Variants in SRC observed in about 807,000 individuals in gnomAD.
SRC encodes proto-oncogene tyrosine-protein kinase Src.
SRC carries 13 observed loss-of-function variants against 62.9 expected under a neutral mutation model. The ratio of observed to expected loss-of-function variants is 0.21; its 90% CI spans 0.13 to 0.33. SRC has a LOEUF of 0.33. Among genes scored for constraint, SRC ranks in the 10% least tolerant of loss-of-function variants. The probability of loss-of-function intolerance (pLI) is 1.00; values close to 1 mark genes in which losing one functional copy is unlikely to be tolerated. For missense variants in SRC, 457 were observed against 737.3 expected (o/e 0.62, Z 4.40); for synonymous variants, 302 against 317.5 (o/e 0.95, Z 0.52).
In SRC at chr20:37,404,586, A is replaced by G. The variant is rs149251983; in HGVS notation, c.*1207A>G. ...AGTGCCTAAGCGGGGGTGAAAGAGG[A>G]CGTGTTACCCACTGCCATGCACCAG... On this transcript the variant is annotated 3_prime_UTR_variant, in exon 14 of 14. Coordinates refer to ENST00000373578, the MANE Select transcript of SRC (RefSeq NM_198291.3). 3.3e-3 allele frequency: 763 copies of G among 233,710 alleles called. 7 individuals carry two copies. The highest frequency in any genetic ancestry group is 0.016 in the African/African-American group (724 of 45,440). 14.5% of individuals were successfully genotyped at this position (233,710 alleles called of 1,614,324 possible). A position where few individuals can be genotyped will look rare whatever the true frequency, so the allele number is the denominator to read the frequency against.
At chr20:37,386,844 T>A (rs2070463674) in intron 5 of SRC, among the ~76,000 whole-genome samples, 1 of 152,228 alleles carries the variant, frequency 6.6e-6, no homozygotes, top group African/African-American at 2.4e-5. Context: ...AGCCAGCATG[T>A]GGCCAGGGAG....
intron 2 of SRC, among the ~76,000 whole-genome samples, chr20:37,368,677 C>T (rs1465074286): frequency 6.8e-6 from 1 of 147,974 alleles, no homozygotes; most frequent in Non-Finnish European, 1.5e-5. Flanking sequence ...CTCAGCCTCC[C>T]AAGTAGCTGG....
rs2070674742 is a variant in SRC at position 37,397,691 on chromosome 20, C to G, written c.704-8C>G. 2 of 1,552,842 alleles carry G rather than the reference C, an allele frequency of 1.3e-6. No individual in the cohort carries two copies. Among genetic ancestry groups the G allele is most frequent in the African/African-American group, 1.4e-5 (1 of 73,322 alleles). On this transcript the variant is annotated splice_polypyrimidine_tract_variant and splice_region_variant and intron_variant, in intron 8 of 13. Coordinates refer to ENST00000373578, the MANE Select transcript of SRC (RefSeq NM_198291.3). The surrounding 1 kb of genome is among the most constrained non-coding windows in gnomAD (Gnocchi z 4.1). ...CCCGCCTAACTGCTCCTCCTGCCTC[C>G]TCCTCAGAACACGCCGATGGCCTGT... is the stretch of plus-strand genomic sequence containing the variant.
intron 5 of SRC, among the ~76,000 whole-genome samples, chr20:37,388,225 G>C (rs2070486803): frequency 6.6e-6 from 1 of 150,502 alleles, no homozygotes; most frequent in Non-Finnish European, 1.5e-5. Context: ...TGGATTCAGA[G>C]AGTAGCCCCA....
rs376778427 is a variant in SRC, at chr20:37,394,822, G to C, written c.553+545G>C. Among the ~76,000 whole-genome samples the C allele has an allele frequency of 7.4e-4, 112 of 152,280 alleles. 1 individual carries two copies. The highest frequency in any genetic ancestry group is 2.6e-3 in the African/African-American group (109 of 41,552). ...GCTTCCTGTGGGCCTGGGGCTCAGC[G>C]GGAGATGGGAAGCAGAGCATCCATG... On this transcript the variant is annotated intron_variant, in intron 7 of 13. Coordinates refer to ENST00000373578, the MANE Select transcript of SRC (RefSeq NM_198291.3).
chr20:37,350,137 TCCCCTCC>T (rs1175210368), intron 1 of SRC, among the ~76,000 whole-genome samples: 2 of 152,044 alleles, frequency 1.3e-5, no homozygotes, highest in Admixed American at 1.3e-4. Flanking sequence ...ACCCTTTCCT[TCCCCTCC>T]ATGGCCCCCA....
rs757522887 is a variant in SRC, at chr20:37,396,122, A to G, written c.554-40A>G. On this transcript the variant is annotated intron_variant, in intron 7 of 13. Coordinates refer to ENST00000373578, the MANE Select transcript of SRC (RefSeq NM_198291.3). The surrounding 1 kb of genome is among the most constrained non-coding windows in gnomAD (Gnocchi z 6.1). The stretch of plus-strand genomic sequence containing the variant: ...GTCCAGAGCAGCGGCCTGCGGGGGG[A>G]GAGGGCATGGCGGTCACGGCTCCCC... 1.9e-6 allele frequency: 3 copies of G among 1,599,206 alleles called. No homozygotes were observed. Among genetic ancestry groups the G allele is most frequent in the Non-Finnish European group, 2.6e-6 (3 of 1,174,424 alleles).
intron 1 of SRC, among the ~76,000 whole-genome samples, chr20:37,356,312 G>T (rs2069881175): frequency 6.6e-6 from 1 of 152,078 alleles, no homozygotes; most frequent in Non-Finnish European, 1.5e-5. Context: ...GGTGCCAATG[G>T]GTAGAGGGCC....
At position 37,403,646 on chromosome 20, in the gene SRC, G is replaced by A; in HGVS notation, c.*267G>A. 1.9e-6 allele frequency: 1 copy of A among 518,568 alleles called. No individual in the cohort carries two copies. The allele number at this position is 518,568 out of a possible 1,614,324, so 32.1% of individuals were successfully genotyped here. A position where few individuals can be genotyped will look rare whatever the true frequency, so the allele number is the denominator to read the frequency against. ...GCCTCTCCCTGCACTCCCTCCTGGA[G>A]CTCTGTGGGTCTCTGGAAGAGGAAC... On this transcript the variant is annotated 3_prime_UTR_variant, in exon 14 of 14. Transcript: ENST00000373578. This position sits in a 1 kb window ranked among gnomAD's most constrained non-coding sequence, Gnocchi z 7.1.
In SRC at chr20:37,395,595, A is replaced by G. The variant is rs142426238; in HGVS notation, c.554-567A>G. Among the ~76,000 whole-genome samples, 114 of 152,296 alleles carry G rather than the reference A, an allele frequency of 7.5e-4. No individual in the cohort carries two copies. In the East Asian group the frequency reaches 0.019, roughly 25 times the overall value. On this transcript the variant is annotated intron_variant, in intron 7 of 13. Coordinates refer to ENST00000373578, the MANE Select transcript of SRC (RefSeq NM_198291.3). ...ACACCCAGCCCGTGGTCTCCTGCCC[A>G]CGACGGCCAAAGCCTCTGCCAACCA...
At chr20:37,366,093 G>A (rs1180301471) in intron 2 of SRC, among the ~76,000 whole-genome samples, 1 of 152,112 alleles carries the variant, frequency 6.6e-6, no homozygotes, top group African/African-American at 2.4e-5. Flanking sequence ...CCAGGCTTTT[G>A]CTTGTTCTAG....
chr20:37,394,356 G>A, intron 7 of SRC, 79 bp downstream of exon 7: 1 of 1,358,842 alleles, frequency 7.4e-7, no homozygotes, highest in Non-Finnish European at 1.0e-6. Context: ...ATGAGCAGGA[G>A]TTTGGTTTGT....
chr20:37,393,302 T>A (rs2070583631), intron 5 of SRC, among the ~76,000 whole-genome samples: 1 of 152,230 alleles, frequency 6.6e-6, no homozygotes, highest in East Asian at 1.9e-4. Flanking sequence ...ACCCGTGATT[T>A]GGGACAGAGG....
chr20:37,378,732 T>G (rs1468815027), intron 2 of SRC, among the ~76,000 whole-genome samples: 1 of 152,110 alleles, frequency 6.6e-6, no homozygotes. Flanking sequence ...CCCAGTTGTC[T>G]GTGAGGTTTA....
chr20:37,350,930 T>C (rs1466671419), intron 1 of SRC, among the ~76,000 whole-genome samples: 1 of 152,168 alleles, frequency 6.6e-6, no homozygotes, highest in Admixed American at 6.5e-5. Context: ...ATTCTGACCT[T>C]CTCCTTTCAC....
Position 37,404,998 on chromosome 20 carries a change from T to G in SRC, c.*1619T>G. On this transcript the variant is annotated 3_prime_UTR_variant, in exon 14 of 14. Transcript: ENST00000373578. ...ACATTTCACCATGGCCCCCTCATCA[T>G]AGCAATAACATTCCCACTGCCAGGG... The G allele has an allele frequency of 1.1e-5, 2 of 189,136 alleles. No individual in the cohort carries two copies. The highest frequency in any genetic ancestry group is 2.2e-5 in the Non-Finnish European group (2 of 90,830). The allele number at this position is 189,136 out of a possible 1,614,324, so 11.7% of individuals were successfully genotyped here. A position where few individuals can be genotyped will look rare whatever the true frequency, so the allele number is the denominator to read the frequency against.
At chr20:37,401,764 G>C (rs752656108) in intron 11 of SRC, 86 bp downstream of exon 11, 68 of 962,388 alleles carry the variant, frequency 7.1e-5, no homozygotes, top group Admixed American at 1.9e-4. Flanking sequence ...CCTCTTGAGT[G>C]CCCCCTCCAA....
Position 37,397,921 on chromosome 20 carries a change from C to A in SRC, c.859+67C>A. On this transcript the variant is annotated intron_variant, in intron 9 of 13. Coordinates refer to ENST00000373578, the MANE Select transcript of SRC (RefSeq NM_198291.3). This position sits in a 1 kb window ranked among gnomAD's most constrained non-coding sequence, Gnocchi z 4.1. ...CACCCCGTGTGGCAGCTCCGGGCTC[C>A]CTTGGTCCCTTTGCCTTTAGCTGCC... 1 of 1,513,848 alleles carries A rather than the reference C, an allele frequency of 6.6e-7. No homozygotes were observed. The highest frequency in any genetic ancestry group is 1.2e-5 in the South Asian group (1 of 80,658). The allele number at this position is 1,513,848 out of a possible 1,614,324, so 93.8% of individuals were successfully genotyped here.
chr20:37,365,448 C>T (rs897535599), intron 2 of SRC, among the ~76,000 whole-genome samples, 171 bp downstream of exon 2: 2 of 151,888 alleles, frequency 1.3e-5, no homozygotes, highest in African/African-American at 4.8e-5. Context: ...TCTGGTGTAT[C>T]CTTCCAGGGA....
Sources: allele counts gnomAD v4.1 joint callset (sites outside exome capture counted in the v4.1 genomes callset), GRCh38; gene constraint gnomAD v4.1.1; non-coding constraint Gnocchi (gnomAD v3.1); transcripts MANE v1.5; gene names NCBI Gene and HGNC (gene_info 2026-07-23, HGNC 2026-07-21).